The following OR9Q1 variants were observed in gnomAD, a reference collection of about 807,000 sequenced individuals.
OR9Q1 encodes olfactory receptor 9Q1.
For synonymous variants in OR9Q1, 153 were observed against 148.6 expected, an observed-to-expected ratio of 1.03 and a Z score of -0.22; for missense variants, 374 against 378.8, an observed-to-expected ratio of 0.99 and a Z score of 0.11.
intron 2 of OR9Q1, among the ~76,000 whole-genome samples, chr11:58,163,058 T>A (rs549576183): frequency 6.6e-6 from 1 of 152,300 alleles, no homozygotes; most frequent in East Asian, 1.9e-4. Flanking sequence ...GTACATCATA[T>A]GTTATGTTAG....
intron 2 of OR9Q1, among the ~76,000 whole-genome samples, chr11:58,173,263 G>A (rs983898220): frequency 6.7e-6 from 1 of 149,964 alleles, no homozygotes; most frequent in African/African-American, 2.5e-5. Context: ...ATTAGATATA[G>A]CTCCTAATGC....
Position 58,136,611 on chromosome 11 carries a change from C to T in OR9Q1, c.-14-42820C>T, listed in dbSNP as rs573734709. Among the ~76,000 whole-genome samples, 7 of 152,248 alleles carry T rather than the reference C, an allele frequency of 4.6e-5. No homozygotes were observed. The South Asian group carries it at 8.3e-4, about 18-fold the overall frequency. ...TTACAAATCATTCATAACCAGTCTACGAATTTAGGCGATGTATCACATGGC... is the reference window on the plus strand; with the variant it reads ...TTACAAATCATTCATAACCAGTCTATGAATTTAGGCGATGTATCACATGGC... On this transcript the variant is annotated intron_variant, in intron 2 of 2. Transcript: ENST00000335397.
intron 2 of OR9Q1, among the ~76,000 whole-genome samples, chr11:58,093,168 A>G (rs1427606932): frequency 1.9e-4 from 29 of 152,220 alleles, no homozygotes; most frequent in Admixed American, 1.9e-3. Context: ...GATTCCAAAT[A>G]TATGTATTTC....
intron 2 of OR9Q1, among the ~76,000 whole-genome samples, chr11:58,126,195 G>A (rs193042689): frequency 4.6e-5 from 7 of 152,180 alleles, no homozygotes; most frequent in South Asian, 4.2e-4. Context: ...CTCTTCCCTC[G>A]TCTCTGAAAC....
At chr11:58,140,533 T>C (rs1185256688) in intron 2 of OR9Q1, among the ~76,000 whole-genome samples, 2 of 152,218 alleles carry the variant, frequency 1.3e-5, no homozygotes, top group Non-Finnish European at 2.9e-5. Flanking sequence ...GCACCATTTA[T>C]TAAATAGGGA....
At chr11:58,115,564 A>G (rs1216521147) in intron 2 of OR9Q1, among the ~76,000 whole-genome samples, 2 of 152,168 alleles carry the variant, frequency 1.3e-5, no homozygotes, top group Non-Finnish European at 2.9e-5. Flanking sequence ...ATCAGTCAAA[A>G]CAACAGAGCA....
chr11:58,031,219 G>A (rs1161587340), intron 1 of OR9Q1: 6 of 1,614,120 alleles, frequency 3.7e-6, no homozygotes, highest in Non-Finnish European at 4.2e-6. Flanking sequence ...GTTTTATTGG[G>A]GTGGATGGTG....
intron 2 of OR9Q1, among the ~76,000 whole-genome samples, chr11:58,107,936 T>C (rs925605714): frequency 1.3e-5 from 2 of 152,168 alleles, no homozygotes; most frequent in Non-Finnish European, 2.9e-5. Flanking sequence ...CAATTGAGAC[T>C]ACTTGCTACA....
intron 2 of OR9Q1, among the ~76,000 whole-genome samples, chr11:58,150,945 A>C (rs534644210): frequency 6.6e-6 from 1 of 152,310 alleles, no homozygotes; most frequent in South Asian, 2.1e-4. Flanking sequence ...TAGTAAGACA[A>C]AATGTGCTTT....
intron 2 of OR9Q1, among the ~76,000 whole-genome samples, chr11:58,114,777 C>T (rs1369097184): frequency 6.6e-6 from 1 of 152,074 alleles, no homozygotes; most frequent in Non-Finnish European, 1.5e-5. Context: ...GAAGCAGACC[C>T]AGAGGGGTTG....
At chr11:58,109,152 A>G in intron 2 of OR9Q1, 1 of 503,292 alleles carries the variant, frequency 2.0e-6, no homozygotes, top group Non-Finnish European at 4.0e-6. Context: ...TCTGATTGTC[A>G]CAACAGAAGG....
intron 2 of OR9Q1, among the ~76,000 whole-genome samples, chr11:58,112,319 T>C (rs992109999): frequency 2.0e-5 from 3 of 151,692 alleles, no homozygotes; most frequent in Non-Finnish European, 4.4e-5. Flanking sequence ...ATTATAAATA[T>C]GTTTCTTTGA....
At chr11:58,106,336 T>C (rs866497195) in intron 2 of OR9Q1, among the ~76,000 whole-genome samples, 2 of 152,226 alleles carry the variant, frequency 1.3e-5, no homozygotes, top group African/African-American at 4.8e-5. Flanking sequence ...CATTTTTTAA[T>C]TGTATTATTT....
At chr11:58,150,054 A>T (rs1854335126) in intron 2 of OR9Q1, among the ~76,000 whole-genome samples, 1 of 152,198 alleles carries the variant, frequency 6.6e-6, no homozygotes, top group African/African-American at 2.4e-5. Flanking sequence ...ACTGTTTTTC[A>T]CAGCAGCTGC....
chr11:58,164,917 G>A (rs1854487428), intron 2 of OR9Q1, among the ~76,000 whole-genome samples: 1 of 152,148 alleles, frequency 6.6e-6, no homozygotes, highest in African/African-American at 2.4e-5. Flanking sequence ...CCAGATGTCT[G>A]TATAACTTGC....
chr11:58,103,565 T>G (rs1390812349), intron 2 of OR9Q1, among the ~76,000 whole-genome samples: 1 of 152,200 alleles, frequency 6.6e-6, no homozygotes, highest in African/African-American at 2.4e-5. Context: ...ATTAATATTT[T>G]GTTTTTTTTT....
chr11:58,115,807 C>T (rs1434363066), intron 2 of OR9Q1, among the ~76,000 whole-genome samples: 3 of 152,078 alleles, frequency 2.0e-5, no homozygotes, highest in Non-Finnish European at 2.9e-5. Context: ...TAATAAAAAT[C>T]TTTAAAAACA....
intron 2 of OR9Q1, among the ~76,000 whole-genome samples, chr11:58,102,254 TACC>T (rs1434575518): frequency 4.2e-3 from 1 of 238 alleles, no homozygotes; most frequent in African/African-American, 8.5e-3. Flanking sequence ...TTGTTTTGTA[TACC>T]CTTTTTACCC....
chr11:58,064,514 C>T (rs1436546629), intron 2 of OR9Q1, among the ~76,000 whole-genome samples: 2 of 152,164 alleles, frequency 1.3e-5, no homozygotes, highest in African/African-American at 4.8e-5. Flanking sequence ...AAGGTCATCC[C>T]TCCAACCACG....
Sources: gnomAD v4.1 joint callset for allele counts (sites outside exome capture counted in the v4.1 genomes callset) on GRCh38, gnomAD v4.1.1 for gene constraint, MANE v1.5 for transcripts, NCBI Gene and HGNC (gene_info 2026-07-23, HGNC 2026-07-21) for gene names.